DAO: variants seen among roughly 807,000 people sequenced by gnomAD.
The protein encoded by DAO is D-amino-acid oxidase.
DAO carries 51 observed loss-of-function variants against 50.1 expected under a neutral mutation model. That is an observed-to-expected ratio of 1.02 (90% CI 0.81 to 1.29). The LOEUF (loss-of-function observed/expected upper bound fraction) is 1.29, where lower values mean the gene tolerates loss of function less well. Ranked by LOEUF, DAO falls within the 50% of genes most tolerant of loss-of-function variation. The probability of loss-of-function intolerance (pLI) is 0.00; values close to 1 mark genes in which losing one functional copy is unlikely to be tolerated. For synonymous variants in DAO, 160 were observed against 166.2 expected (o/e 0.96, Z 0.29); for missense variants, 436 against 439.4 (o/e 0.99, Z 0.07).
intron 3 of DAO, among the ~76,000 whole-genome samples, 167 bp from the exon 4 acceptor site, chr12:108,889,302 G>A (rs2039464907): frequency 6.6e-6 from 1 of 151,938 alleles, no homozygotes; most frequent in African/African-American, 2.4e-5. Context: ...TATAAACAGG[G>A]TTTCACCATG....
intron 7 of DAO, among the ~76,000 whole-genome samples, chr12:108,895,145 A>G (rs529784947): frequency 2.0e-5 from 3 of 149,802 alleles, no homozygotes; most frequent in Non-Finnish European, 4.4e-5. Flanking sequence ...TTCACACGGT[A>G]GTACGCAGTG....
In DAO at chr12:108,885,150, TGCCG is replaced by T; in HGVS notation, c.148_151del (p.Gly50SerfsTer26). The stretch of plus-strand genomic sequence containing the variant: ...CCCCACTCACCACCACCGACGTGGC[TGCCG>T]GCCTCTGGCAGCCCTACCTTTCTGA... On this transcript the variant is annotated frameshift_variant, in exon 2 of 11. Transcript: ENST00000228476. LOFTEE classifies it high-confidence loss of function. 1 of 1,613,498 alleles carries T rather than the reference TGCCG, an allele frequency of 6.2e-7. No homozygotes were observed. Among genetic ancestry groups the T allele is most frequent in the South Asian group, 1.1e-5 (1 of 91,080 alleles).
intron 8 of DAO, among the ~76,000 whole-genome samples, chr12:108,898,264 G>T (rs1190847225): frequency 1.3e-5 from 2 of 152,114 alleles, no homozygotes; most frequent in Non-Finnish European, 2.9e-5. Flanking sequence ...ATGGTAGCTG[G>T]TGCTGATGGA....
Position 108,886,498 on chromosome 12 carries a change from T to A in DAO, c.195-952T>A, listed in dbSNP as rs529697457. On this transcript the variant is annotated intron_variant, in intron 2 of 10. Transcript: ENST00000228476. ...ATTAAAAAAAAATTTTTAAGAGGCA[T>A]CCTGTCACCCAGGCTGAAGTGCAGT... Among the ~76,000 whole-genome samples, 9 of 152,104 alleles carry A rather than the reference T, an allele frequency of 5.9e-5. No individual in the cohort carries two copies. The South Asian group carries it at 1.9e-3, about 32-fold the overall frequency.
At chr12:108,891,868 GGGA>G (rs2137352971) in intron 5 of DAO, among the ~76,000 whole-genome samples, 1 of 152,068 alleles carries the variant, frequency 6.6e-6, no homozygotes, top group South Asian at 2.1e-4. Context: ...CCAAAGTGCT[GGGA>G]TTACAGGCGT....
intron 8 of DAO, 129 bp downstream of exon 8, chr12:108,897,217 T>C: frequency 2.8e-6 from 2 of 705,926 alleles, no homozygotes; most frequent in Non-Finnish European, 5.1e-6. Context: ...CTTAGCTATT[T>C]TTTATTATTA....
intron 1 of DAO, among the ~76,000 whole-genome samples, chr12:108,882,962 A>G (rs1024330434): frequency 2.0e-5 from 3 of 151,992 alleles, no homozygotes; most frequent in African/African-American, 4.8e-5. Context: ...GCAGTGAGCT[A>G]TGATTGTGCC....
intron 4 of DAO, 142 bp from the exon 5 acceptor site, chr12:108,890,066 T>TC (rs1207357947): frequency 1.2e-5 from 9 of 742,474 alleles, no homozygotes; most frequent in Middle Eastern, 4.6e-4. Context: ...CAAAACCACG[T>TC]CCCCCCTTGA....
intron 5 of DAO, 60 bp from the exon 6 acceptor site, chr12:108,892,922 C>G (rs2039507518): frequency 6.6e-7 from 1 of 1,517,402 alleles, no homozygotes; most frequent in African/African-American, 1.4e-5. Flanking sequence ...GTGCCACCCT[C>G]TTGGTGGGAT....
intron 5 of DAO, among the ~76,000 whole-genome samples, chr12:108,890,881 C>T (rs976058027): frequency 1.1e-4 from 17 of 152,212 alleles, no homozygotes; most frequent in Middle Eastern, 3.4e-3. Context: ...TGCAGTGGTG[C>T]GATCTTGGCT....
rs746914446 is a variant in DAO at position 108,890,207 on chromosome 12, G to A, written c.387-1G>A. On this transcript the variant is annotated splice_acceptor_variant, in intron 4 of 10. Transcript: ENST00000228476. LOFTEE classifies it high-confidence loss of function. The stretch of plus-strand genomic sequence containing the variant: ...CCACCTTTTGCTTACTGTGACTCTA[G>A]CTATGGCTGGTTCCACACAAGCCTA... 59 of 1,611,942 alleles carry A rather than the reference G, an allele frequency of 3.7e-5. No homozygotes were observed. The highest frequency in any genetic ancestry group is 4.8e-5 in the Non-Finnish European group (57 of 1,178,228).
chr12:108,881,601 ATT>A lies in DAO; in HGVS notation c.-10+1398_-10+1399del, dbSNP rs34780883. Among the ~76,000 whole-genome samples the A allele has an allele frequency of 4.9e-3, 484 of 99,154 alleles. 1 individual carries two copies. Among genetic ancestry groups the A allele is most frequent in the East Asian group, 7.8e-3 (29 of 3,704 alleles). 65.0% of individuals were successfully genotyped at this position (99,154 alleles called of 152,430 possible). A position where few individuals can be genotyped will look rare whatever the true frequency, so the allele number is the denominator to read the frequency against. ...AGGACTCACACTTTTTTCCTTTTAA[ATT>A]TTTTTTTTTTTTTTTTTTTTGACAG... On this transcript the variant is annotated intron_variant, in intron 1 of 10. Coordinates refer to ENST00000228476, the MANE Select transcript of DAO (RefSeq NM_001917.5).
In DAO at chr12:108,900,855, A is replaced by C. The variant is rs575258034; in HGVS notation, c.*320A>C. On this transcript the variant is annotated 3_prime_UTR_variant, in exon 11 of 11. Coordinates refer to ENST00000228476, the MANE Select transcript of DAO (RefSeq NM_001917.5). ...TGCCCAGAGCCACAGAAAATGGAGG[A>C]TAATTGAGGCTAAGTAACCTGATTA... The C allele has an allele frequency of 2.9e-6, 1 of 350,150 alleles. No individual in the cohort carries two copies. Among genetic ancestry groups the C allele is most frequent in the African/African-American group, 2.1e-5 (1 of 47,212 alleles). The allele number at this position is 350,150 out of a possible 1,614,324, so 21.7% of individuals were successfully genotyped here.
At chr12:108,885,630 T>A (rs1296766882) in intron 2 of DAO, among the ~76,000 whole-genome samples, 2 of 152,118 alleles carry the variant, frequency 1.3e-5, no homozygotes, top group African/African-American at 4.8e-5. Context: ...AAAAGATTCA[T>A]AAATATTAAG....
At chr12:108,892,253 C>T (rs2039500091) in intron 5 of DAO, among the ~76,000 whole-genome samples, 2 of 150,256 alleles carry the variant, frequency 1.3e-5, no homozygotes, top group East Asian at 2.0e-4. Context: ...AGCTCCGCCT[C>T]CTGGGTTCAT....
rs370764819 is a variant in DAO at position 108,894,319 on chromosome 12, G to A, written c.564G>A (p.Ala188=). 2.3e-5 allele frequency: 37 copies of A among 1,613,904 alleles called. No individual in the cohort carries two copies. The highest frequency in any genetic ancestry group is 1.6e-4 in the Middle Eastern group (1 of 6,084). The change falls in exon 7 of 11, where the codon GCG becomes GCA. Residue 188 remains alanine (A), a synonymous_variant. Transcript: ENST00000228476. ...ACTGCACTGGGGTATGGGCTGGGGCGCTACAACGAGACCCCCTGCTGCAGC... is the reference window on the plus strand; with the variant it reads ...ACTGCACTGGGGTATGGGCTGGGGCACTACAACGAGACCCCCTGCTGCAGC... The part of the protein sequence containing the change: ...IVNCTGVWAG[A]LQRDPLLQPG...
At chr12:108,893,818 T>G (rs2039517303) in intron 6 of DAO, among the ~76,000 whole-genome samples, 1 of 152,176 alleles carries the variant, frequency 6.6e-6, no homozygotes, top group Admixed American at 6.5e-5. Flanking sequence ...CAACGTGTCT[T>G]CTGCAAATGT....
At chr12:108,880,758 C>A (rs1260301770) in intron 1 of DAO, among the ~76,000 whole-genome samples, 2 of 151,672 alleles carry the variant, frequency 1.3e-5, no homozygotes, top group African/African-American at 4.9e-5. Flanking sequence ...TTGCTATGGG[C>A]ACATAGCAAT....
At chr12:108,887,687 C>G in intron 3 of DAO, 123 bp downstream of exon 3, 1 of 763,946 alleles carries the variant, frequency 1.3e-6, no homozygotes, top group Non-Finnish European at 2.4e-6. Context: ...GCAACAGACT[C>G]CTGGGTTCAA....
Sources: gnomAD v4.1 joint callset for allele counts (sites outside exome capture counted in the v4.1 genomes callset) on GRCh38, gnomAD v4.1.1 for gene constraint, MANE v1.5 for transcripts, NCBI Gene and HGNC (gene_info 2026-07-23, HGNC 2026-07-21) for gene names.